EGF: variants seen among roughly 807,000 people sequenced by gnomAD.
EGF encodes the protein pro-epidermal growth factor.
In EGF, 95 loss-of-function variants were observed where a neutral mutation model predicts 143.8. The ratio of observed to expected loss-of-function variants is 0.66; its 90% CI spans 0.56 to 0.78. EGF has a LOEUF of 0.78. EGF is among the 30% of genes least tolerant of loss of function. The pLI is 0.00. For synonymous variants in EGF, 510 were observed against 510.5 expected (o/e 1.00, Z 0.01); for missense variants, 1,320 against 1,470.9 (o/e 0.90, Z 1.68).
At chr4:110,002,684 CA>C (rs1355621983) in intron 21 of EGF, among the ~76,000 whole-genome samples, 3 of 151,486 alleles carry the variant, frequency 2.0e-5, no homozygotes, top group African/African-American at 7.3e-5. Flanking sequence ...ATTTTAGGTT[CA>C]GGGGTATATG....
intron 1 of EGF, among the ~76,000 whole-genome samples, chr4:109,918,975 G>C (rs1306789306): frequency 6.6e-6 from 1 of 152,100 alleles, no homozygotes; most frequent in African/African-American, 2.4e-5. Context: ...CCGCTTTCCT[G>C]GGCCTCCTTA....
At position 109,999,695 on chromosome 4, in the gene EGF, A is replaced by T. The variant is rs1752299515; in HGVS notation, c.3022A>T (p.Ile1008Phe). 6.2e-7 allele frequency: 1 copy of T among 1,614,106 alleles called. No homozygotes were observed. The highest frequency in any genetic ancestry group is 8.5e-7 in the Non-Finnish European group (1 of 1,180,004). Residue 1008 changes from isoleucine to phenylalanine, a missense_variant, in exon 21 of 24, where the codon ATC becomes TTC. Physicochemically the swap from Ile to Phe is conservative, Grantham distance 21. Around this residue, in one of 5 missense-constraint regions of EGF, gnomAD observed 1,186 missense variants for 1,313.7 expected, o/e 0.90. Transcript: ENST00000265171. ...TTGTCACAGCTGTGTTGTTGGCTAC[A>T]TCGGGGAGCGATGTCAGTACCGAGA... ...KYACNCVVGY[I>F]GERCQYRDLK...
Position 109,999,861 on chromosome 4 carries a change from C to T in EGF, c.3173+15C>T. The T allele has an allele frequency of 6.2e-7, 1 of 1,612,744 alleles. No homozygotes were observed. The highest frequency in any genetic ancestry group is 1.3e-5 in the African/African-American group (1 of 75,016). ...CACTACTACAGGTGACCCTGTCTTT[C>T]CTTTGGTACTGGAAACCTCTTTCTA... On this transcript the variant is annotated intron_variant, in intron 21 of 23. Coordinates refer to ENST00000265171, the MANE Select transcript of EGF (RefSeq NM_001963.6).
chr4:109,938,293 G>A (rs1033578269), intron 1 of EGF, among the ~76,000 whole-genome samples: 11 of 151,744 alleles, frequency 7.2e-5, no homozygotes, highest in South Asian at 6.3e-4. Flanking sequence ...CCTTTCTTCC[G>A]CTCGATTGAA....
intron 13 of EGF, among the ~76,000 whole-genome samples, chr4:109,977,880 A>G (rs182773798): frequency 9.5e-4 from 145 of 152,316 alleles, no homozygotes; most frequent in African/African-American, 3.3e-3. Flanking sequence ...AAATAAATGT[A>G]AAATTGTATC....
chr4:110,007,617 A>G (rs1230631349), intron 22 of EGF, among the ~76,000 whole-genome samples: 1 of 152,206 alleles, frequency 6.6e-6, no homozygotes, highest in Non-Finnish European at 1.5e-5. Flanking sequence ...GTTCCTTCCT[A>G]TTAAAATTCT....
chr4:109,936,004 CTCT>C (rs1308916709), intron 1 of EGF, among the ~76,000 whole-genome samples: 1 of 152,000 alleles, frequency 6.6e-6, no homozygotes, highest in Non-Finnish European at 1.5e-5. Context: ...GCCTAAAATT[CTCT>C]TTTTTTTGTT....
intron 21 of EGF, among the ~76,000 whole-genome samples, chr4:110,004,052 A>G (rs1373906212): frequency 2.0e-5 from 3 of 152,054 alleles, no homozygotes; most frequent in African/African-American, 7.2e-5. Flanking sequence ...AGTTGCTGAG[A>G]TATTTTTTCC....
In EGF at chr4:109,986,481, G is replaced by A. The variant is rs74755720; in HGVS notation, c.2492-1263G>A. ...CTGCTCCCACAAGAGAAATCTTCTCGCTCAAGTAGCTAAGCAAATCAAATG... is the reference window on the plus strand; with the variant it reads ...CTGCTCCCACAAGAGAAATCTTCTCACTCAAGTAGCTAAGCAAATCAAATG... On this transcript the variant is annotated intron_variant, in intron 16 of 23. Coordinates refer to ENST00000265171, the MANE Select transcript of EGF (RefSeq NM_001963.6). 6.2e-3 allele frequency among the ~76,000 whole-genome samples: 937 copies of A among 152,222 alleles called. 12 individuals carry two copies. Among genetic ancestry groups the A allele is most frequent in the African/African-American group, 0.021 (892 of 41,526 alleles).
intron 20 of EGF, among the ~76,000 whole-genome samples, chr4:109,995,889 G>A (rs1022399399): frequency 3.9e-5 from 6 of 152,116 alleles, no homozygotes; most frequent in South Asian, 2.1e-4. Flanking sequence ...AATCATGTCC[G>A]CATGACAAAA....
In EGF at chr4:109,913,255, G is replaced by A. The variant is rs1331683026; in HGVS notation, c.-81G>A. On this transcript the variant is annotated 5_prime_UTR_variant, in exon 1 of 24. Coordinates refer to ENST00000265171, the MANE Select transcript of EGF (RefSeq NM_001963.6). ...CTCCGCTCAGGCAGCCGCATCTGGG[G>A]TCAATCATACTCACCTTGCCCGGGC... 1.4e-5 allele frequency: 22 copies of A among 1,587,292 alleles called. No homozygotes were observed. The highest frequency in any genetic ancestry group is 1.7e-4 in the Middle Eastern group (1 of 5,996).
chr4:109,981,856 C>G (rs11569019), intron 15 of EGF, among the ~76,000 whole-genome samples: 17,949 of 152,030 alleles, frequency 0.12, 1,524 homozygotes, highest in African/African-American at 0.22. Flanking sequence ...TGTTAAAAAG[C>G]TGTGTAGTCA....
At chr4:110,002,422 G>A (rs1477416688) in intron 21 of EGF, among the ~76,000 whole-genome samples, 5 of 152,170 alleles carry the variant, frequency 3.3e-5, no homozygotes, top group Admixed American at 3.3e-4. Flanking sequence ...GAGCCAGGGA[G>A]GCAGTGATTA....
At chr4:109,950,546 C>G (rs1182561139) in intron 5 of EGF, among the ~76,000 whole-genome samples, 1 of 152,192 alleles carries the variant, frequency 6.6e-6, no homozygotes, top group South Asian at 2.1e-4. Flanking sequence ...CTGAGAATTC[C>G]TAATCATCAG....
chr4:110,001,715 A>T (rs1752594966), intron 21 of EGF: 2 of 985,342 alleles, frequency 2.0e-6, no homozygotes, highest in Non-Finnish European at 2.4e-6. Context: ...AGCTCAGCTG[A>T]AAGATGACTA....
chr4:109,939,842 AAAACAGAATGGAGT>A (rs1741609728), intron 1 of EGF, among the ~76,000 whole-genome samples: 1 of 152,244 alleles, frequency 6.6e-6, no homozygotes, highest in Admixed American at 6.5e-5. Context: ...TTTTGATGAT[AAAACAGAATGGAGT>A]AAGCCCAGCA....
At chr4:109,959,472 A>G (rs778984329) in intron 6 of EGF, 35 bp downstream of exon 6, 34 of 1,611,864 alleles carry the variant, frequency 2.1e-5, no homozygotes, top group Non-Finnish European at 2.9e-5. Flanking sequence ...GTAATGGAAG[A>G]GTCGCTGCTT....
intron 5 of EGF, among the ~76,000 whole-genome samples, chr4:109,955,525 G>A (rs527941735): frequency 2.0e-5 from 3 of 152,198 alleles, no homozygotes; most frequent in African/African-American, 4.8e-5. Flanking sequence ...ACTAGGCAGA[G>A]GAGAATAGTG....
chr4:109,987,091 A>G (rs1031258833), intron 16 of EGF, among the ~76,000 whole-genome samples: 14 of 152,322 alleles, frequency 9.2e-5, no homozygotes, highest in African/African-American at 2.6e-4. Flanking sequence ...TTTGTTGTCA[A>G]AATGGTTGGG....
Sources: allele counts gnomAD v4.1 joint callset (sites outside exome capture counted in the v4.1 genomes callset), GRCh38; gene constraint gnomAD v4.1.1; regional missense constraint gnomAD v4.1.1; transcripts MANE v1.5; gene names NCBI Gene and HGNC (gene_info 2026-07-23, HGNC 2026-07-21).